Variants in USP43 observed in about 807,000 individuals in gnomAD.
USP43 encodes ubiquitin specific peptidase 43.
A neutral mutation model predicts 90.7 loss-of-function variants in USP43; 33 were observed. The observed-to-expected ratio is 0.36, with a 90% CI of 0.28 to 0.49. The LOEUF (loss-of-function observed/expected upper bound fraction) is 0.49. Among genes scored for constraint, USP43 ranks in the 20% least tolerant of loss-of-function variants. The probability of loss-of-function intolerance (pLI) is 0.98; values close to 1 mark genes in which losing one functional copy is unlikely to be tolerated. For missense variants in USP43, 1,274 were observed against 1,476.4 expected (o/e 0.86, Z 2.25); for synonymous variants, 598 against 615.8 (o/e 0.97, Z 0.43).
chr17:9,675,014 C>T, intron 4 of USP43, 31 bp downstream of exon 4: 3 of 1,581,720 alleles, frequency 1.9e-6, no homozygotes, highest in Non-Finnish European at 2.6e-6. Context: ...GCCCGGTGAA[C>T]TTGACTTCCA....
At chr17:9,698,278 G>T (rs190923101) in intron 9 of USP43, among the ~76,000 whole-genome samples, 6 of 152,314 alleles carry the variant, frequency 3.9e-5, no homozygotes, top group Admixed American at 1.3e-4. Context: ...CCTGTAGGCT[G>T]CCTCTTTATT....
At chr17:9,681,373 T>C (rs1242950801) in intron 6 of USP43, among the ~76,000 whole-genome samples, 1 of 116,426 alleles carries the variant, frequency 8.6e-6, no homozygotes, top group African/African-American at 3.2e-5. Context: ...TAAATAAATA[T>C]ATATAAATAA....
chr17:9,686,724 A>G lies in USP43; in HGVS notation c.1242-74A>G. 1 of 1,355,816 alleles carries G rather than the reference A, an allele frequency of 7.4e-7. No individual in the cohort carries two copies. The highest frequency in any genetic ancestry group is 1.3e-5 in the South Asian group (1 of 79,598). 84.0% of individuals were successfully genotyped at this position (1,355,816 alleles called of 1,614,324 possible). On this transcript the variant is annotated intron_variant, in intron 7 of 14. Transcript: ENST00000285199. This position sits in a 1 kb window ranked among gnomAD's most constrained non-coding sequence, Gnocchi z 5.5. ...CCTATTGACAGGAAGCCAGGGTTAGAACAACCACTCATGACTGGTGGATGT... is the reference window on the plus strand; with the variant it reads ...CCTATTGACAGGAAGCCAGGGTTAGGACAACCACTCATGACTGGTGGATGT...
At chr17:9,684,558 G>A (rs563039818) in intron 7 of USP43, among the ~76,000 whole-genome samples, 2 of 152,200 alleles carry the variant, frequency 1.3e-5, no homozygotes, top group East Asian at 3.9e-4. Context: ...GAGGTCAGGA[G>A]TTTGAGACCA....
chr17:9,712,241 C>T (rs1916244610), intron 14 of USP43, 109 bp downstream of exon 14: 1 of 1,304,740 alleles, frequency 7.7e-7, no homozygotes, highest in Non-Finnish European at 1.0e-6. Flanking sequence ...AAGGGTCCAT[C>T]ATTACGAGAG....
At chr17:9,719,259 A>G (rs554522630) in intron 14 of USP43, among the ~76,000 whole-genome samples, 16 of 152,320 alleles carry the variant, frequency 1.1e-4, no homozygotes, top group African/African-American at 3.8e-4. Flanking sequence ...GCCATTTCTC[A>G]GTTCTCCCAA....
intron 7 of USP43, among the ~76,000 whole-genome samples, chr17:9,685,317 T>C (rs1914537843): frequency 6.6e-6 from 1 of 152,204 alleles, no homozygotes; most frequent in Non-Finnish European, 1.5e-5. Flanking sequence ...TTAGGGCCCA[T>C]AGGCGCAGGC....
chr17:9,673,996 A>G (rs114259071), intron 3 of USP43, among the ~76,000 whole-genome samples: 584 of 152,324 alleles, frequency 3.8e-3, no homozygotes, highest in African/African-American at 0.013. Flanking sequence ...TTAAAAGCTC[A>G]GGATTTTAGA....
chr17:9,696,521 C>T (rs540687049), intron 9 of USP43, among the ~76,000 whole-genome samples: 4 of 152,218 alleles, frequency 2.6e-5, no homozygotes, highest in Non-Finnish European at 5.9e-5. Context: ...AGATTTTTCT[C>T]TGGATTGCAG....
At chr17:9,720,193 G>C (rs1029565322) in intron 14 of USP43, among the ~76,000 whole-genome samples, 1 of 151,750 alleles carries the variant, frequency 6.6e-6, no homozygotes, top group South Asian at 2.1e-4. Context: ...GGGCATGGTG[G>C]TGTGTGCCTG....
intron 2 of USP43, among the ~76,000 whole-genome samples, chr17:9,660,262 T>A (rs528054498): frequency 2.0e-4 from 30 of 152,304 alleles, no homozygotes; most frequent in African/African-American, 6.7e-4. Context: ...GAGATTCTCC[T>A]GCCTCAGCCT....
At chr17:9,683,308 C>T (rs905214669) in intron 7 of USP43, among the ~76,000 whole-genome samples, 2 of 151,688 alleles carry the variant, frequency 1.3e-5, no homozygotes, top group Admixed American at 1.3e-4. Flanking sequence ...AAACCAAGAA[C>T]TGGAAAGTGA....
intron 14 of USP43, among the ~76,000 whole-genome samples, chr17:9,715,624 CTGTG>C (rs367703073): frequency 1.6e-5 from 2 of 121,788 alleles, no homozygotes; most frequent in Non-Finnish European, 3.5e-5. Context: ...GAGTGTATGT[CTGTG>C]TGTGTGTTTC....
At chr17:9,690,653 G>A (rs1357542637) in intron 8 of USP43, among the ~76,000 whole-genome samples, 1 of 152,188 alleles carries the variant, frequency 6.6e-6, no homozygotes, top group East Asian at 1.9e-4. Flanking sequence ...GGGAGGCCGA[G>A]GCAGGTGGAT....
intron 6 of USP43, among the ~76,000 whole-genome samples, chr17:9,681,721 T>G (rs1273171880): frequency 1.3e-5 from 2 of 151,520 alleles, no homozygotes; most frequent in Non-Finnish European, 2.9e-5. Context: ...CTCGAACTCC[T>G]AACCTCAGGT....
chr17:9,695,140 A>C, intron 9 of USP43, among the ~76,000 whole-genome samples: 8 of 145,140 alleles, frequency 5.5e-5, no homozygotes, highest in Admixed American at 2.1e-4. Flanking sequence ...TGTTCACCCC[A>C]CTCCCATCCC....
chr17:9,676,130 CT>C (rs1913758433), intron 4 of USP43, among the ~76,000 whole-genome samples: 1 of 152,216 alleles, frequency 6.6e-6, no homozygotes, highest in Non-Finnish European at 1.5e-5. Flanking sequence ...AACACCTTGA[CT>C]GCTTTAATTT....
chr17:9,718,122 A>G (rs558640783), intron 14 of USP43, among the ~76,000 whole-genome samples: 53 of 144,822 alleles, frequency 3.7e-4, no homozygotes, highest in African/African-American at 1.1e-3. Flanking sequence ...TTAATGTTTA[A>G]TAGTAGAAGT....
chr17:9,705,708 C>T (rs1915831442), intron 12 of USP43, among the ~76,000 whole-genome samples: 1 of 148,888 alleles, frequency 6.7e-6, no homozygotes, highest in Non-Finnish European at 1.5e-5. Context: ...GAGCCGAGAT[C>T]ACACCACTGC....
Sources: gnomAD v4.1 joint callset for allele counts (sites outside exome capture counted in the v4.1 genomes callset) on GRCh38, gnomAD v4.1.1 for gene constraint, Gnocchi (gnomAD v3.1) non-coding constraint, MANE v1.5 for transcripts, NCBI Gene and HGNC (gene_info 2026-07-23, HGNC 2026-07-21) for gene names.